ARL15: variants seen among roughly 807,000 people sequenced by gnomAD.
ARL15 encodes ADP-ribosylation factor-like protein 15.
ARL15 carries 19 observed loss-of-function variants against 25.2 expected under a neutral mutation model. The observed-to-expected ratio is 0.75, with a 90% CI of 0.53 to 1.10. The LOEUF (loss-of-function observed/expected upper bound fraction) is 1.10, where lower values mean the gene tolerates loss of function less well. Ranked by LOEUF, ARL15 falls within the 50% of genes least tolerant of loss-of-function variation. ARL15 has a pLI of 0.00. For synonymous variants in ARL15, 94 were observed against 86.8 expected (o/e 1.08, Z -0.46); for missense variants, 220 against 246.0 (o/e 0.89, Z 0.71).
chr5:54,303,347 C>A (rs565611020), intron 1 of ARL15, among the ~76,000 whole-genome samples: 1 of 152,204 alleles, frequency 6.6e-6, no homozygotes, highest in Non-Finnish European at 1.5e-5. Flanking sequence ...CATGGTGAAA[C>A]CCCGTCTCTA....
intron 1 of ARL15, among the ~76,000 whole-genome samples, chr5:54,174,646 C>T (rs1295024924): frequency 6.6e-6 from 1 of 152,216 alleles, no homozygotes; most frequent in Non-Finnish European, 1.5e-5. Context: ...AGATTAATGA[C>T]CATAACTACT....
intron 3 of ARL15, among the ~76,000 whole-genome samples, chr5:54,145,609 G>GGT (rs149049636): frequency 3.7e-4 from 56 of 150,560 alleles, no homozygotes; most frequent in South Asian, 2.1e-3. Context: ...CTCAGAGGAT[G>GGT]GTGTGTGTGT....
At position 54,163,382 on chromosome 5, in the gene ARL15, T is replaced by G. The variant is rs1475963982; in HGVS notation, c.193+8402A>C. ...TTTTTTTTTTTTTTTTTTTTTTTTTTTTTTTTTTTTTTGTAATGTCTCTGT... is the reference window on the plus strand; with the variant it reads ...TTTTTTTTTTTTTTTTTTTTTTTTTGTTTTTTTTTTTTGTAATGTCTCTGT... On this transcript the variant is annotated intron_variant, in intron 2 of 4. Transcript: ENST00000504924. Among the ~76,000 whole-genome samples, 12 of 127,776 alleles carry G rather than the reference T, an allele frequency of 9.4e-5. 1 individual carries two copies. The highest frequency in any genetic ancestry group is 2.9e-4 in the African/African-American group (10 of 34,914). The allele number at this position is 127,776 out of a possible 152,430, so 83.8% of individuals were successfully genotyped here.
chr5:54,068,095 C>T (rs1415905116), intron 4 of ARL15, among the ~76,000 whole-genome samples: 1 of 152,162 alleles, frequency 6.6e-6, no homozygotes. Flanking sequence ...AATAATGGTT[C>T]CAAGAACTTG....
At chr5:53,970,081 C>T (rs1324147126) in intron 4 of ARL15, among the ~76,000 whole-genome samples, 6 of 152,144 alleles carry the variant, frequency 3.9e-5, no homozygotes, top group African/African-American at 1.2e-4. Context: ...ATCTCACAGG[C>T]TTCATAGATG....
chr5:53,992,592 A>AGCCC (rs1748537910), intron 4 of ARL15, among the ~76,000 whole-genome samples: 1 of 152,212 alleles, frequency 6.6e-6, no homozygotes, highest in Non-Finnish European at 1.5e-5. Flanking sequence ...TTTAGGTTAT[A>AGCCC]CTAGGAAAAA....
At chr5:54,223,854 G>A (rs981646745) in intron 1 of ARL15, among the ~76,000 whole-genome samples, 6 of 152,088 alleles carry the variant, frequency 3.9e-5, no homozygotes, top group Admixed American at 6.5e-5. Flanking sequence ...TGAGAGCGCC[G>A]GGGTTGGGAA....
chr5:53,936,223 AAAG>A (rs1189292500), intron 4 of ARL15, among the ~76,000 whole-genome samples: 12 of 152,338 alleles, frequency 7.9e-5, no homozygotes, highest in Middle Eastern at 3.4e-3. Context: ...AGCAGAGGCC[AAAG>A]CTACCATTTG....
In ARL15 at chr5:53,959,363, C is replaced by T. The variant is rs186959593; in HGVS notation, c.463-72650G>A. On this transcript the variant is annotated intron_variant, in intron 4 of 4. Coordinates refer to ENST00000504924, the MANE Select transcript of ARL15 (RefSeq NM_019087.3). ...GAAATGAGCAAAAATCCCCCAAGGG[C>T]GCTTTTTATCTATGTGCTAGGCAAT... 4.2e-4 allele frequency among the ~76,000 whole-genome samples: 64 copies of T among 152,200 alleles called. 1 individual carries two copies. Among genetic ancestry groups the T allele is most frequent in the South Asian group, 3.9e-3 (19 of 4,824 alleles).
intron 3 of ARL15, among the ~76,000 whole-genome samples, chr5:54,141,939 G>T (rs368054926): frequency 1.3e-5 from 2 of 152,220 alleles, no homozygotes; most frequent in East Asian, 1.9e-4. Context: ...CTATTATACA[G>T]ATGTACTACA....
intron 4 of ARL15, among the ~76,000 whole-genome samples, chr5:53,962,696 G>A (rs1378863593): frequency 6.6e-6 from 1 of 152,042 alleles, no homozygotes. Context: ...TAAATGATGT[G>A]AACAGATTTC....
At chr5:54,295,007 A>G (rs2112698167) in intron 1 of ARL15, among the ~76,000 whole-genome samples, 1 of 152,302 alleles carries the variant, frequency 6.6e-6, no homozygotes, top group Middle Eastern at 3.4e-3. Context: ...CACTTTTACG[A>G]TGGTTTATTC....
chr5:54,148,050 C>G (rs1242900084), intron 3 of ARL15, among the ~76,000 whole-genome samples: 1 of 152,144 alleles, frequency 6.6e-6, no homozygotes, highest in East Asian at 1.9e-4. Context: ...TTAAAGAAGT[C>G]TTCTTTCCTC....
rs567860324 is a variant in ARL15, at chr5:53,901,952, G to T, written c.463-15239C>A. On this transcript the variant is annotated intron_variant, in intron 4 of 4. Transcript: ENST00000504924. Reference sequence around the variant, plus strand: ...ACACGGTTTTCCCACCATAGCCTTTGATTCTGCAAAATAGCATGAGAGGAA... The same window carrying T: ...ACACGGTTTTCCCACCATAGCCTTTTATTCTGCAAAATAGCATGAGAGGAA... Among the ~76,000 whole-genome samples the T allele has an allele frequency of 2.0e-5, 3 of 152,266 alleles. No homozygotes were observed. In the East Asian group the frequency reaches 5.8e-4, roughly 29 times the overall value.
At chr5:54,166,648 T>G (rs926280614) in intron 2 of ARL15, among the ~76,000 whole-genome samples, 4 of 152,156 alleles carry the variant, frequency 2.6e-5, no homozygotes, top group Non-Finnish European at 5.9e-5. Context: ...CAAATTACCC[T>G]AGCTTAGGTT....
At chr5:53,976,954 T>C (rs1466875939) in intron 4 of ARL15, among the ~76,000 whole-genome samples, 3 of 152,230 alleles carry the variant, frequency 2.0e-5, no homozygotes, top group Admixed American at 2.0e-4. Context: ...TTTGTTCTTG[T>C]TTTTATAACA....
intron 4 of ARL15, among the ~76,000 whole-genome samples, chr5:54,062,531 AAACAAC>A (rs1286774489): frequency 1.1e-3 from 157 of 149,396 alleles, no homozygotes; most frequent in African/African-American, 3.9e-3. Flanking sequence ...AAAAAAAAAA[AAACAAC>A]AGAAGCTTCC....
chr5:53,900,900 G>A (rs1745043568), intron 4 of ARL15, among the ~76,000 whole-genome samples: 1 of 152,190 alleles, frequency 6.6e-6, no homozygotes, highest in African/African-American at 2.4e-5. Flanking sequence ...TCCTGGAAAA[G>A]AGAACCACTC....
At chr5:53,944,978 G>A (rs889850099) in intron 4 of ARL15, among the ~76,000 whole-genome samples, 2 of 152,190 alleles carry the variant, frequency 1.3e-5, no homozygotes, top group Non-Finnish European at 2.9e-5. Context: ...TTGACATTTA[G>A]AAAGAAGGCA....
Sources: allele counts gnomAD v4.1 joint callset (sites outside exome capture counted in the v4.1 genomes callset), GRCh38; gene constraint gnomAD v4.1.1; transcripts MANE v1.5; gene names NCBI Gene and HGNC (gene_info 2026-07-23, HGNC 2026-07-21).